Variants in RBL2 observed in about 807,000 individuals in gnomAD.
RBL2 encodes retinoblastoma-like protein 2.
RBL2 carries 56 observed loss-of-function variants against 126.0 expected under a neutral mutation model. The observed-to-expected ratio is 0.44, with a 90% CI of 0.36 to 0.56. The LOEUF is 0.56. Ranked by LOEUF, RBL2 falls within the 20% of genes least tolerant of loss-of-function variation. The pLI is 0.00. For missense variants in RBL2, 1,229 were observed against 1,398.2 expected (o/e 0.88, Z 1.93); for synonymous variants, 454 against 478.5 (o/e 0.95, Z 0.67).
At chr16:53,435,020 C>T (rs1406851569) in intron 1 of RBL2, among the ~76,000 whole-genome samples, 1 of 152,192 alleles carries the variant, frequency 6.6e-6, no homozygotes, top group African/African-American at 2.4e-5. Context: ...GCGTCTTGCC[C>T]TAAAGTAGCA....
Position 53,434,758 on chromosome 16 carries a change from G to T in RBL2, c.202G>T (p.Asp68Tyr). 6.5e-7 allele frequency: 1 copy of T among 1,537,648 alleles called. No individual in the cohort carries two copies. Among genetic ancestry groups the T allele is most frequent in the Non-Finnish European group, 8.7e-7 (1 of 1,148,736 alleles). The change falls in exon 1 of 22, where the codon GAC becomes TAC. Residue 68 changes from aspartate to tyrosine, a missense_variant. Asp to Tyr is a radical substitution (Grantham distance 160, BLOSUM62 -3). This residue lies in a region of RBL2 where 159 missense variants were observed against 123.9 expected (regional missense o/e 1.28). Coordinates refer to ENST00000262133, the MANE Select transcript of RBL2 (RefSeq NM_005611.4). Reference protein sequence around the residue: ...MDEAARAEAWDSYRSMSESYT... With the variant: ...MDEAARAEAWYSYRSMSESYT... ...CGAGGCGGCGCGGGCCGAGGCCTGG[G>T]ACAGCTACCGCAGCATGAGCGAAAG...
Position 53,442,790 on chromosome 16 carries a change from C to T in RBL2, c.504C>T (p.Pro168=). Residue 168 remains proline (P), a synonymous_variant, in exon 3 of 22, where the codon CCC becomes CCT. Coordinates refer to ENST00000262133, the MANE Select transcript of RBL2 (RefSeq NM_005611.4). ...CTGTAATTTTTAAGAAATATGAACCCATTTTTCAGGACATCTTTAAATACC... is the reference window on the plus strand; with the variant it reads ...CTGTAATTTTTAAGAAATATGAACCTATTTTTCAGGACATCTTTAAATACC... The part of the protein sequence containing the change: ...VSAVIFKKYE[P]IFQDIFKYPQ... 1 of 1,613,456 alleles carries T rather than the reference C, an allele frequency of 6.2e-7. No individual in the cohort carries two copies. The highest frequency in any genetic ancestry group is 8.5e-7 in the Non-Finnish European group (1 of 1,179,580).
intron 14 of RBL2, among the ~76,000 whole-genome samples, chr16:53,468,877 A>G (rs1032054013): frequency 6.6e-6 from 1 of 152,246 alleles, no homozygotes; most frequent in Admixed American, 6.5e-5. Flanking sequence ...AGACTAAGCC[A>G]TAATGGGTTG....
intron 21 of RBL2, among the ~76,000 whole-genome samples, chr16:53,487,183 T>C (rs2150832707): frequency 6.6e-6 from 1 of 152,336 alleles, no homozygotes; most frequent in Non-Finnish European, 1.5e-5. Context: ...CAAACAGATT[T>C]ATGTAAAAAA....
intron 21 of RBL2, among the ~76,000 whole-genome samples, chr16:53,482,933 C>A (rs922156509): frequency 1.3e-5 from 2 of 151,834 alleles, no homozygotes; most frequent in African/African-American, 4.8e-5. Context: ...TAGGGAGACA[C>A]GACATCCAAA....
chr16:53,479,644 T>G, intron 18 of RBL2: 2 of 468,166 alleles, frequency 4.3e-6, no homozygotes, highest in East Asian at 3.7e-5. Flanking sequence ...TGACTTGACA[T>G]TATGGTTGGG....
chr16:53,434,628 G>T lies in RBL2; in HGVS notation c.72G>T (p.Glu24Asp), dbSNP rs531817868. The change falls in exon 1 of 22, where the codon GAG (glutamate) becomes GAT (aspartate). Residue 24 changes from glutamate to aspartate, a missense_variant. Transcript: ENST00000262133. Reference protein sequence around the residue: ...PPPAAAASDEEEEDDGEAEDA... With the variant: ...PPPAAAASDEDEEDDGEAEDA... Reference sequence around the variant, plus strand: ...CGGCGGCGGCAGCCTCGGATGAGGAGGAGGAGGACGACGGCGAGGCGGAAG... The same window carrying T: ...CGGCGGCGGCAGCCTCGGATGAGGATGAGGAGGACGACGGCGAGGCGGAAG... 47 of 1,563,246 alleles carry T rather than the reference G, an allele frequency of 3.0e-5. No homozygotes were observed. The highest frequency in any genetic ancestry group is 3.8e-5 in the Non-Finnish European group (44 of 1,164,666).
Position 53,439,022 on chromosome 16 carries a change from G to T in RBL2, c.247G>T (p.Asp83Tyr), listed in dbSNP as rs372989712. ...MSESYTLEGN[D>Y]LHWLACALYV... ...ATTTTCTTTTCTTTTACAGGGAAAT[G>T]ATCTTCATTGGTTAGCATGTGCCTT... The change falls in exon 2 of 22, where the codon GAT (aspartate) becomes TAT (tyrosine). Residue 83 changes from aspartate (D) to tyrosine (Y), a missense_variant. This residue lies in a region of RBL2 where 159 missense variants were observed against 123.9 expected (regional missense o/e 1.28). Coordinates refer to ENST00000262133, the MANE Select transcript of RBL2 (RefSeq NM_005611.4). The T allele has an allele frequency of 4.5e-6, 7 of 1,570,926 alleles. No individual in the cohort carries two copies. Among genetic ancestry groups the T allele is most frequent in the Admixed American group, 1.9e-5 (1 of 51,780 alleles).
intron 12 of RBL2, chr16:53,464,972 T>TTTAGTAGAGACGGGG (rs1490803289): frequency 6.5e-6 from 1 of 152,744 alleles, no homozygotes; most frequent in Non-Finnish European, 1.5e-5. Context: ...TTTTTGTATT[T>TTTAGTAGAGACGGGG]TTAGTAGAGA....
intron 8 of RBL2, among the ~76,000 whole-genome samples, chr16:53,458,501 C>CAGG (rs2058189729): frequency 6.6e-6 from 1 of 152,138 alleles, no homozygotes; most frequent in Admixed American, 6.5e-5. Flanking sequence ...AGAGGAGGGG[C>CAGG]AGGAAGACCA....
intron 21 of RBL2, among the ~76,000 whole-genome samples, chr16:53,483,933 A>C: frequency 6.8e-6 from 1 of 146,832 alleles, no homozygotes; most frequent in East Asian, 1.9e-4. Context: ...TAGTAAAAAA[A>C]AAAAAAAAAA....
chr16:53,470,437 G>T lies in RBL2; in HGVS notation c.2300G>T (p.Gly767Val). The T allele has an allele frequency of 1.2e-6, 2 of 1,614,070 alleles. No homozygotes were observed. The highest frequency in any genetic ancestry group is 1.7e-6 in the Non-Finnish European group (2 of 1,179,980). ...TTCTTCCCTGTCCAAGTCAATGTTG[G>T]GGGGCAGGCACAAGCTGTGACAGGC... ...ITFFPVQVNV[G>V]GQAQAVTGSI... Residue 767 changes from glycine to valine, a missense_variant, in exon 16 of 22, where the codon GGG becomes GTG. By Grantham distance (109) the Gly-to-Val change is moderately radical. Transcript: ENST00000262133.
intron 17 of RBL2, among the ~76,000 whole-genome samples, chr16:53,473,770 T>C (rs754551062): frequency 3.9e-5 from 6 of 152,108 alleles, no homozygotes; most frequent in African/African-American, 9.7e-5. Context: ...ATAGTAGTTA[T>C]GGTTTTTTTC....
rs777931235 is a variant in RBL2 at position 53,470,165 on chromosome 16, C to T, written c.2225C>T (p.Thr742Met). ...TATVTANNGQ[T>M]VTIPVQGIAN... is the part of the protein sequence containing the mutation. ...ACTGTCACAGCCAACAATGGGCAAA[C>T]GGTAACCATTCCTGTGCAAGGTAAG... Residue 742 changes from threonine (T) to methionine (M), a missense_variant, in exon 15 of 22, where the codon ACG becomes ATG. By Grantham distance (81) the Thr-to-Met change is moderately conservative (BLOSUM62 -1). Transcript: ENST00000262133. 1.1e-5 allele frequency: 18 copies of T among 1,609,354 alleles called. No homozygotes were observed. The highest frequency in any genetic ancestry group is 1.7e-5 in the Admixed American group (1 of 59,892).
At chr16:53,484,200 C>T (rs116056607) in intron 21 of RBL2, among the ~76,000 whole-genome samples, 1 of 152,216 alleles carries the variant, frequency 6.6e-6, no homozygotes, top group African/African-American at 2.4e-5. Flanking sequence ...AAATTAGACT[C>T]TCATCCTGTA....
chr16:53,468,751 T>A (rs756077529), intron 14 of RBL2, among the ~76,000 whole-genome samples: 1 of 152,180 alleles, frequency 6.6e-6, no homozygotes, highest in Non-Finnish European at 1.5e-5. Context: ...CTTACAAACT[T>A]TCTATGTATA....
Position 53,470,018 on chromosome 16 carries a change from G to A in RBL2, c.2078G>A (p.Gly693Glu). The change falls in exon 15 of 22, where the codon GGG (glycine) becomes GAG (glutamate). Residue 693 changes from glycine (G) to glutamate (E), a missense_variant. By Grantham distance (98) the Gly-to-Glu change is moderately conservative. This residue lies in a region of RBL2 where 1,070 missense variants were observed against 1,274.3 expected (regional missense o/e 0.84). Transcript: ENST00000262133. ...FVENDSPSDG[G>E]TPGRMPPQPL... Reference sequence around the variant, plus strand: ...GAGAATGATAGCCCCTCTGATGGAGGGACGCCTGGGCGCATGCCCCCACAG... The same window carrying A: ...GAGAATGATAGCCCCTCTGATGGAGAGACGCCTGGGCGCATGCCCCCACAG... The A allele has an allele frequency of 6.2e-7, 1 of 1,614,202 alleles. No individual in the cohort carries two copies. The highest frequency in any genetic ancestry group is 8.5e-7 in the Non-Finnish European group (1 of 1,180,016).
rs756763534 is a variant in RBL2 at position 53,457,258 on chromosome 16, CTTTT to C, written c.1180-2177_1180-2174del. ...GGGTCATCAGGGTGGGTACAGATAG[CTTTT>C]TTTTTTTTTTTTTTTGAGATGGAGT... On this transcript the variant is annotated intron_variant, in intron 8 of 21. Coordinates refer to ENST00000262133, the MANE Select transcript of RBL2 (RefSeq NM_005611.4). Among the ~76,000 whole-genome samples the C allele has an allele frequency of 1.7e-4, 15 of 89,952 alleles. 2 individuals are homozygous for C. The highest frequency in any genetic ancestry group is 3.0e-4 in the African/African-American group (5 of 16,718). The allele number at this position is 89,952 out of a possible 152,430, so 59.0% of individuals were successfully genotyped here. A position where few individuals can be genotyped will look rare whatever the true frequency, so the allele number is the denominator to read the frequency against.
intron 9 of RBL2, 87 bp downstream of exon 9, chr16:53,459,704 A>C: frequency 7.8e-7 from 1 of 1,274,524 alleles, no homozygotes; most frequent in South Asian, 1.7e-5. Context: ...GCCTTAATTC[A>C]CCCATGAATA....
Sources: gnomAD v4.1 joint callset for allele counts (sites outside exome capture counted in the v4.1 genomes callset) on GRCh38, gnomAD v4.1.1 for gene constraint, gnomAD v4.1.1 regional missense constraint, MANE v1.5 for transcripts, NCBI Gene and HGNC (gene_info 2026-07-23, HGNC 2026-07-21) for gene names.